Variants in SERINC5 observed in about 807,000 individuals in gnomAD.
The protein encoded by SERINC5 is chromosome 5 open reading frame 12.
SERINC5 carries 41 observed loss-of-function variants against 63.1 expected under a neutral mutation model. The ratio of observed to expected loss-of-function variants is 0.65; its 90% confidence interval spans 0.51 to 0.84. The LOEUF (loss-of-function observed/expected upper bound fraction) is 0.84, where lower values mean the gene tolerates loss of function less well. Among genes scored for constraint, SERINC5 ranks in the 40% least tolerant of loss-of-function variants. SERINC5 has a pLI of 0.00. For missense variants in SERINC5, 523 were observed against 573.0 expected (o/e 0.91, Z 0.89); for synonymous variants, 222 against 215.2 (o/e 1.03, Z -0.28).
intron 1 of SERINC5, among the ~76,000 whole-genome samples, chr5:80,224,058 G>C (rs1310531470): frequency 6.6e-6 from 1 of 150,798 alleles, no homozygotes; most frequent in African/African-American, 2.4e-5. Flanking sequence ...GCTTGAACCT[G>C]GGAGGCAGAG....
At chr5:80,238,460 C>G (rs16877651) in intron 1 of SERINC5, among the ~76,000 whole-genome samples, 1,797 of 152,190 alleles carry the variant, frequency 0.012, 32 homozygotes, top group African/African-American at 0.039. Context: ...AAAGTTTAAA[C>G]AGATTTTATT....
intron 2 of SERINC5, among the ~76,000 whole-genome samples, chr5:80,179,072 G>T (rs1024652995): frequency 6.6e-6 from 1 of 152,158 alleles, no homozygotes; most frequent in Non-Finnish European, 1.5e-5. Context: ...GGCCGAGGTG[G>T]GTGGATCACC....
intron 2 of SERINC5, among the ~76,000 whole-genome samples, chr5:80,180,600 G>C (rs896493925): frequency 1.3e-5 from 2 of 152,134 alleles, no homozygotes; most frequent in Non-Finnish European, 1.5e-5. Context: ...CTCCCAAAGA[G>C]GTTGCTCGGT....
chr5:80,111,258 C>T (rs1456342762), downstream of SERINC5, among the ~76,000 whole-genome samples: 1 of 152,096 alleles, frequency 6.6e-6, no homozygotes, highest in Non-Finnish European at 1.5e-5. Context: ...AGCCAGCGAC[C>T]GAGAGACGGC....
At chr5:80,229,721 G>A (rs1167224695) in intron 1 of SERINC5, among the ~76,000 whole-genome samples, 1 of 152,170 alleles carries the variant, frequency 6.6e-6, no homozygotes, top group Non-Finnish European at 1.5e-5. Flanking sequence ...AATCACCCAT[G>A]TAAAGTGCTC....
chr5:80,212,670 G>T (rs571802020), intron 1 of SERINC5, among the ~76,000 whole-genome samples: 1 of 141,008 alleles, frequency 7.1e-6, no homozygotes, highest in African/African-American at 2.6e-5. Context: ...TGGGGTGGGG[G>T]GGGGGTGTTG....
chr5:80,201,850 T>C (rs1749856519), intron 2 of SERINC5, among the ~76,000 whole-genome samples: 1 of 152,174 alleles, frequency 6.6e-6, no homozygotes, highest in African/African-American at 2.4e-5. Flanking sequence ...AGGTGGGAAA[T>C]GCCCCATAGC....
chr5:80,212,227 G>C (rs1454065951), intron 1 of SERINC5, among the ~76,000 whole-genome samples: 1 of 152,122 alleles, frequency 6.6e-6, no homozygotes, highest in African/African-American at 2.4e-5. Context: ...GGGCACAGTG[G>C]GGAAGTTCCT....
chr5:80,166,592 A>C (rs1747318127), intron 6 of SERINC5, 114 bp from the exon 7 acceptor site: 1 of 630,648 alleles, frequency 1.6e-6, no homozygotes, highest in Non-Finnish European at 2.8e-6. Context: ...TCCACCTTTA[A>C]AGGAAAGAAA....
intron 1 of SERINC5, among the ~76,000 whole-genome samples, chr5:80,230,516 G>A (rs376916338): frequency 2.7e-5 from 4 of 149,780 alleles, no homozygotes; most frequent in South Asian, 4.2e-4. Context: ...CTTTTCAAAC[G>A]GGGCTTGAGG....
At chr5:80,193,296 G>A (rs997361521) in intron 2 of SERINC5, among the ~76,000 whole-genome samples, 2 of 151,966 alleles carry the variant, frequency 1.3e-5, no homozygotes, top group South Asian at 2.1e-4. Context: ...TCCATTCTTC[G>A]TTGTGCCATT....
intron 8 of SERINC5, among the ~76,000 whole-genome samples, chr5:80,151,683 AT>A (rs1746190205): frequency 6.6e-6 from 1 of 152,194 alleles, no homozygotes; most frequent in Non-Finnish European, 1.5e-5. Flanking sequence ...TTAAGCAAAT[AT>A]ATACAATACT....
At chr5:80,198,525 C>T (rs1383410609) in intron 2 of SERINC5, 9 of 985,278 alleles carry the variant, frequency 9.1e-6, no homozygotes, top group Non-Finnish European at 9.6e-6. Context: ...TCTGGCAGAA[C>T]GCTGGGTAGG....
intron 8 of SERINC5, 150 bp downstream of exon 8, chr5:80,158,686 T>C (rs1008361878): frequency 4.6e-6 from 3 of 652,632 alleles, no homozygotes; most frequent in African/African-American, 3.6e-5. Context: ...GAAGTTCAAA[T>C]ATGAGTTCAC....
At chr5:80,113,619 G>T (rs1441255055) in exon 12 of SERINC5, 1 of 292,248 alleles carries the variant, frequency 3.4e-6, no homozygotes, top group Non-Finnish European at 7.0e-6. Flanking sequence ...GGAGGTGAAA[G>T]GCACTTCTTA....
chr5:80,227,140 C>G (rs60823172), intron 1 of SERINC5, among the ~76,000 whole-genome samples: 1 of 151,902 alleles, frequency 6.6e-6, no homozygotes. Context: ...AGGTGATCCA[C>G]CCACCTCAGC....
At chr5:80,227,696 A>C (rs1751231823) in intron 1 of SERINC5, among the ~76,000 whole-genome samples, 1 of 152,266 alleles carries the variant, frequency 6.6e-6, no homozygotes, top group Non-Finnish European at 1.5e-5. Context: ...TTAAAAATTC[A>C]AAAACTAGCC....
intron 2 of SERINC5, among the ~76,000 whole-genome samples, chr5:80,200,322 CAAAA>C (rs11397908): frequency 7.3e-6 from 1 of 136,462 alleles, no homozygotes; most frequent in Non-Finnish European, 1.6e-5. Flanking sequence ...CTAAAAAATA[CAAAA>C]AAAAAAAAAA....
Position 80,140,806 on chromosome 5 carries a change from G to A in SERINC5, c.*2857C>T. On this transcript the variant is annotated 3_prime_UTR_variant, in exon 12 of 12. Coordinates refer to ENST00000507668, the MANE Select transcript of SERINC5 (RefSeq NM_001174072.3). ...TCTACATCAGACAAATCACACAGAGGAAATATTCACATGCAGCTTTAAAAA... is the reference window on the plus strand; with the variant it reads ...TCTACATCAGACAAATCACACAGAGAAAATATTCACATGCAGCTTTAAAAA... 1.0e-6 allele frequency: 1 copy of A among 985,166 alleles called. No individual in the cohort carries two copies. The allele number at this position is 985,166 out of a possible 1,614,324, so 61.0% of individuals were successfully genotyped here. A position where few individuals can be genotyped will look rare whatever the true frequency, so the allele number is the denominator to read the frequency against.
Sources: allele counts gnomAD v4.1 joint callset (sites outside exome capture counted in the v4.1 genomes callset), GRCh38; gene constraint gnomAD v4.1.1; transcripts MANE v1.5; gene names NCBI Gene and HGNC (gene_info 2026-07-23, HGNC 2026-07-21).